The following SORCS1 variants were observed in gnomAD, a reference collection of about 807,000 sequenced individuals.
SORCS1 encodes sortilin related VPS10 domain containing receptor 1.
A neutral mutation model predicts 146.1 loss-of-function variants in SORCS1; 60 were observed. The observed-to-expected ratio is 0.41, with a 90% CI of 0.33 to 0.51. SORCS1 has a LOEUF of 0.51. Ranked by LOEUF, SORCS1 falls within the 20% of genes least tolerant of loss-of-function variation. The probability of loss-of-function intolerance (pLI) is 0.21; values close to 1 mark genes in which losing one functional copy is unlikely to be tolerated. For synonymous variants in SORCS1, 637 were observed against 584.0 expected, an observed-to-expected ratio of 1.09 and a Z score of -1.31; for missense variants, 1,352 against 1,487.6, an observed-to-expected ratio of 0.91 and a Z score of 1.50.
chr10:107,114,855 TA>T (rs964280611), intron 1 of SORCS1, among the ~76,000 whole-genome samples: 2 of 152,098 alleles, frequency 1.3e-5, no homozygotes, highest in African/African-American at 2.4e-5. Context: ...CAGAAAAACT[TA>T]AACATTCTAC....
At chr10:107,049,778 T>C (rs1959931542) in intron 1 of SORCS1, among the ~76,000 whole-genome samples, 1 of 152,162 alleles carries the variant, frequency 6.6e-6, no homozygotes, top group African/African-American at 2.4e-5. Context: ...GTATCAAACA[T>C]TCTTGTTAAT....
At chr10:106,948,582 G>C (rs1292337632) in intron 2 of SORCS1, among the ~76,000 whole-genome samples, 2 of 151,880 alleles carry the variant, frequency 1.3e-5, no homozygotes, top group Admixed American at 1.3e-4. Context: ...GCTGAGGCTG[G>C]AGGACTGCTT....
intron 1 of SORCS1, among the ~76,000 whole-genome samples, chr10:107,119,169 T>C (rs1358428196): frequency 6.6e-6 from 1 of 152,168 alleles, no homozygotes; most frequent in African/African-American, 2.4e-5. Context: ...AGGCAAAATA[T>C]CAAAATTTCA....
intron 1 of SORCS1, among the ~76,000 whole-genome samples, chr10:107,107,852 A>T (rs1317519493): frequency 6.6e-6 from 1 of 152,198 alleles, no homozygotes; most frequent in African/African-American, 2.4e-5. Context: ...TATAAAAATC[A>T]TCAGCAAAGA....
chr10:106,736,966 T>A (rs1261330832), intron 5 of SORCS1, among the ~76,000 whole-genome samples: 1 of 152,134 alleles, frequency 6.6e-6, no homozygotes, highest in Non-Finnish European at 1.5e-5. Flanking sequence ...GCCCTCCACG[T>A]GCTGCATTTT....
chr10:106,689,565 T>G (rs931427180), intron 9 of SORCS1, among the ~76,000 whole-genome samples: 1 of 152,064 alleles, frequency 6.6e-6, no homozygotes, highest in Admixed American at 6.6e-5. Context: ...ACACGAAAAA[T>G]TTTTAAGCAG....
intron 2 of SORCS1, among the ~76,000 whole-genome samples, chr10:106,838,240 C>T (rs939918950): frequency 6.6e-6 from 1 of 152,204 alleles, no homozygotes; most frequent in African/African-American, 2.4e-5. Context: ...AGGGTGGTGA[C>T]TCGGTTCTAT....
chr10:106,923,370 G>T (rs1952819096), intron 2 of SORCS1, among the ~76,000 whole-genome samples: 1 of 152,144 alleles, frequency 6.6e-6, no homozygotes, highest in Non-Finnish European at 1.5e-5. Flanking sequence ...ATATTCCATT[G>T]TATGGATGTA....
intron 24 of SORCS1, 112 bp from the exon 25 acceptor site, chr10:106,579,586 T>C: frequency 1.9e-6 from 2 of 1,067,434 alleles, no homozygotes; most frequent in Non-Finnish European, 1.4e-6. Flanking sequence ...GAAAACCATG[T>C]GGGATATACA....
At chr10:106,791,993 T>G (rs532803478) in intron 3 of SORCS1, among the ~76,000 whole-genome samples, 18 of 152,342 alleles carry the variant, frequency 1.2e-4, no homozygotes, top group African/African-American at 4.3e-4. Flanking sequence ...ACTGGTCATA[T>G]TTTTCTCCAT....
chr10:106,913,680 G>A (rs1157145174), intron 2 of SORCS1, among the ~76,000 whole-genome samples: 9 of 152,172 alleles, frequency 5.9e-5, no homozygotes, highest in African/African-American at 1.4e-4. Context: ...GAACTTTAAC[G>A]CATGCAAAAT....
intron 1 of SORCS1, among the ~76,000 whole-genome samples, chr10:107,047,506 C>T (rs1212147526): frequency 3.9e-5 from 6 of 151,978 alleles, no homozygotes. Context: ...ATCTATTTTA[C>T]GTAAGGAAAA....
intron 1 of SORCS1, among the ~76,000 whole-genome samples, chr10:107,055,176 C>G (rs1960489985): frequency 6.6e-6 from 1 of 152,180 alleles, no homozygotes; most frequent in African/African-American, 2.4e-5. Context: ...CACCACATCA[C>G]CTTCCTAGTT....
chr10:106,955,888 A>G (rs822088), intron 2 of SORCS1, among the ~76,000 whole-genome samples: 95,508 of 151,498 alleles, frequency 0.63, 30,406 homozygotes, highest in South Asian at 0.73. Flanking sequence ...ACCGTTTTGG[A>G]TGGCTGAGGC....
intron 2 of SORCS1, among the ~76,000 whole-genome samples, chr10:106,919,100 G>A (rs750850864): frequency 5.3e-5 from 8 of 152,134 alleles, no homozygotes; most frequent in Non-Finnish European, 7.3e-5. Flanking sequence ...GCCTCCCATA[G>A]TGATGGAATT....
intron 24 of SORCS1, among the ~76,000 whole-genome samples, chr10:106,581,461 G>A (rs1180574287): frequency 6.6e-6 from 1 of 152,008 alleles, no homozygotes; most frequent in Non-Finnish European, 1.5e-5. Context: ...TTAACAAGGA[G>A]CACAAGTTAA....
chr10:106,709,168 G>A, intron 7 of SORCS1, 55 bp downstream of exon 7: 1 of 1,404,722 alleles, frequency 7.1e-7, no homozygotes, highest in South Asian at 1.2e-5. Context: ...AAAAGGGACA[G>A]AAACAAGGAA....
At chr10:107,112,509 TA>T (rs1320723713) in intron 1 of SORCS1, among the ~76,000 whole-genome samples, 2 of 151,830 alleles carry the variant, frequency 1.3e-5, no homozygotes, top group South Asian at 2.1e-4. Context: ...TGTAGACAAT[TA>T]AAAAAATGTC....
At chr10:106,918,410 G>A (rs1017035288) in intron 2 of SORCS1, among the ~76,000 whole-genome samples, 12 of 152,088 alleles carry the variant, frequency 7.9e-5, no homozygotes, top group African/African-American at 1.9e-4. Context: ...TGATCCACCC[G>A]CCTCAGCCTC....
Sources: gnomAD v4.1 joint callset for allele counts (sites outside exome capture counted in the v4.1 genomes callset) on GRCh38, gnomAD v4.1.1 for gene constraint, MANE v1.5 for transcripts, NCBI Gene and HGNC (gene_info 2026-07-23, HGNC 2026-07-21) for gene names.